Variants in ANKFY1 observed in about 807,000 individuals in gnomAD.
The protein encoded by ANKFY1 is ankyrin repeat and FYVE domain containing 1, also known as ankyrin repeat and FYVE domain-containing protein 1.
ANKFY1 carries 47 observed loss-of-function variants against 128.3 expected under a neutral mutation model. That is an observed-to-expected ratio of 0.37 (90% CI 0.29 to 0.47). The LOEUF (loss-of-function observed/expected upper bound fraction) is 0.47. Among genes scored for constraint, ANKFY1 ranks in the 20% least tolerant of loss-of-function variants. The probability of loss-of-function intolerance (pLI) is 1.00; values close to 1 mark genes in which losing one functional copy is unlikely to be tolerated. For synonymous variants in ANKFY1, 553 were observed against 601.6 expected (o/e 0.92, Z 1.18); for missense variants, 1,222 against 1,510.6 (o/e 0.81, Z 3.17).
rs373933542 is a variant in ANKFY1 at position 4,194,986 on chromosome 17, G to A, written c.1364C>T (p.Thr455Met). 3.0e-5 allele frequency: 49 copies of A among 1,614,050 alleles called. No homozygotes were observed. The highest frequency in any genetic ancestry group is 9.9e-5 in the South Asian group (9 of 91,088). ...QRGSHTDAPDTATGNCLLQRA... is the reference protein window; with the variant it reads ...QRGSHTDAPDMATGNCLLQRA... ...GGAGGCACGTGCTTTACCTGTCGCC[G>A]TGTCAGGTGCGTCTGTGTGGCTGCC... Residue 455 changes from threonine (T) to methionine (M), a missense_variant, in exon 10 of 25, where the codon ACG (threonine) becomes ATG (methionine). Thr to Met is a moderately conservative substitution (Grantham distance 81, BLOSUM62 -1). Transcript: ENST00000341657.
At chr17:4,193,151 CAT>C (rs1182521479) in intron 10 of ANKFY1, among the ~76,000 whole-genome samples, 1 of 152,194 alleles carries the variant, frequency 6.6e-6, no homozygotes, top group Admixed American at 6.5e-5. Flanking sequence ...ATTTAATGCA[CAT>C]AGAGAATGCT....
At chr17:4,249,523 T>C (rs1242253037) in intron 1 of ANKFY1, among the ~76,000 whole-genome samples, 1 of 152,200 alleles carries the variant, frequency 6.6e-6, no homozygotes, top group Non-Finnish European at 1.5e-5. Flanking sequence ...TGAGAGGCCA[T>C]ACAAGCCCTG....
intron 23 of ANKFY1, among the ~76,000 whole-genome samples, chr17:4,170,060 G>A (rs1444299670): frequency 2.0e-5 from 3 of 152,194 alleles, no homozygotes; most frequent in Admixed American, 6.5e-5. Context: ...GAGGGAAGGT[G>A]CAGTAGACCA....
At chr17:4,256,671 T>C (rs150255474) in intron 1 of ANKFY1, among the ~76,000 whole-genome samples, 1 of 152,226 alleles carries the variant, frequency 6.6e-6, no homozygotes, top group East Asian at 1.9e-4. Flanking sequence ...CTGGTATAAC[T>C]AGAAAGCAAC....
intron 1 of ANKFY1, among the ~76,000 whole-genome samples, chr17:4,263,373 C>T (rs908060800): frequency 6.6e-6 from 1 of 152,204 alleles, no homozygotes; most frequent in Non-Finnish European, 1.5e-5. Context: ...CCGTCTTCAT[C>T]TGTACGCCTG....
intron 11 of ANKFY1, among the ~76,000 whole-genome samples, chr17:4,185,966 T>A (rs2059604115): frequency 6.6e-6 from 1 of 152,124 alleles, no homozygotes; most frequent in African/African-American, 2.4e-5. Flanking sequence ...GATCAAGACC[T>A]CCTTCTCCTA....
rs201662928 is a variant in ANKFY1 at position 4,217,085 on chromosome 17, C to G, written c.356G>C (p.Arg119Pro). 1 of 1,612,882 alleles carries G rather than the reference C, an allele frequency of 6.2e-7. No individual in the cohort carries two copies. Among genetic ancestry groups the G allele is most frequent in the Non-Finnish European group, 8.5e-7 (1 of 1,179,566 alleles). ...ANPEVTMTML[R>P]WIYTDELEFR... ...CTCCAGCTCATCTGTATAGATCCAG[C>G]GAAGCATTGTCATCGTCACCTCAGG... Residue 119 changes from arginine (R) to proline (P), a missense_variant, in exon 4 of 25, where the codon CGC (arginine) becomes CCC (proline). Transcript: ENST00000341657.
intron 3 of ANKFY1, among the ~76,000 whole-genome samples, chr17:4,230,443 T>C (rs1301115232): frequency 3.3e-5 from 5 of 152,320 alleles, no homozygotes; most frequent in African/African-American, 1.2e-4. Flanking sequence ...TCGTGTCAGC[T>C]GCTACTGGTA....
At chr17:4,187,102 T>G (rs2059626046) in intron 11 of ANKFY1, 7 of 962,540 alleles carry the variant, frequency 7.3e-6, no homozygotes, top group Non-Finnish European at 8.1e-6. Context: ...ACCCGTCACC[T>G]GAGCAGTGTA....
Position 4,178,812 on chromosome 17 carries a change from C to T in ANKFY1, c.2598+45G>A, listed in dbSNP as rs773387456. ...ACATCTGTCTAGTCTCCAGGTTCCGCGACGCCCAGGACCATGTGGAGAAGG... is the reference window on the plus strand; with the variant it reads ...ACATCTGTCTAGTCTCCAGGTTCCGTGACGCCCAGGACCATGTGGAGAAGG... On this transcript the variant is annotated intron_variant, in intron 18 of 24. Coordinates refer to ENST00000341657, the MANE Select transcript of ANKFY1 (RefSeq NM_001330063.2). This position sits in a 1 kb window ranked among gnomAD's most constrained non-coding sequence, Gnocchi z 4.1. 26 of 1,586,454 alleles carry T rather than the reference C, an allele frequency of 1.6e-5. No individual in the cohort carries two copies. The highest frequency in any genetic ancestry group is 4.5e-5 in the East Asian group (2 of 44,516).
At chr17:4,203,553 C>T (rs1003567714) in intron 7 of ANKFY1, among the ~76,000 whole-genome samples, 3 of 152,150 alleles carry the variant, frequency 2.0e-5, no homozygotes, top group Non-Finnish European at 1.5e-5. Context: ...CAGTGGCTCA[C>T]GTCTTTAATC....
rs1294496058 is a variant in ANKFY1 at position 4,242,446 on chromosome 17, C to T, written c.13G>A (p.Glu5Lys). 1 of 1,550,264 alleles carries T rather than the reference C, an allele frequency of 6.5e-7. No homozygotes were observed. The highest frequency in any genetic ancestry group is 8.7e-7 in the Non-Finnish European group (1 of 1,152,720). Reference protein sequence around the residue: MAEEEVAKLEKHLML... With the variant: MAEEKVAKLEKHLML... The stretch of plus-strand genomic sequence containing the variant: ...AAGTGCTTCTCCAACTTGGCCACCT[C>T]CTCTGCAAGGAAAACGAAGAATCAA... The change falls in exon 2 of 25, where the codon GAG becomes AAG. Residue 5 changes from glutamate to lysine, a missense_variant and splice_region_variant. By Grantham distance (56) the Glu-to-Lys change is moderately conservative. Coordinates refer to ENST00000341657, the MANE Select transcript of ANKFY1 (RefSeq NM_001330063.2).
chr17:4,195,071 G>C lies in ANKFY1; in HGVS notation c.1279C>G (p.Pro427Ala). The C allele has an allele frequency of 6.2e-7, 1 of 1,614,176 alleles. No individual in the cohort carries two copies. Among genetic ancestry groups the C allele is most frequent in the Non-Finnish European group, 8.5e-7 (1 of 1,180,032 alleles). Residue 427 changes from proline to alanine, a missense_variant, in exon 10 of 25, where the codon CCC (proline) becomes GCC (alanine). By Grantham distance (27) the Pro-to-Ala change is conservative (BLOSUM62 -1). Transcript: ENST00000341657. The part of the protein sequence containing the change: ...DQSVNPFEDV[P>A]VVNGTSFDEN... ...TCAAATGAAGTCCCATTTACCACGG[G>C]GACATCTTCGAAGGGGTTCACAGAC...
At chr17:4,201,911 T>C (rs954029024) in intron 7 of ANKFY1, among the ~76,000 whole-genome samples, 1 of 152,018 alleles carries the variant, frequency 6.6e-6, no homozygotes, top group Non-Finnish European at 1.5e-5. Flanking sequence ...TAGGAAAAAA[T>C]ATGTAAAGAC....
At chr17:4,205,287 C>T (rs896409359) in intron 7 of ANKFY1, among the ~76,000 whole-genome samples, 8 of 152,214 alleles carry the variant, frequency 5.3e-5, no homozygotes, top group Admixed American at 1.3e-4. Flanking sequence ...TCATTTCTCA[C>T]TGGAACTCTA....
At position 4,183,849 on chromosome 17, in the gene ANKFY1, G is replaced by A. The variant is rs935894920; in HGVS notation, c.1761C>T (p.Ser587=). The change falls in exon 13 of 25, where the codon TCC becomes TCT. Residue 587 remains serine, a synonymous_variant. Transcript: ENST00000341657. ...CCAGGCCCAGCACAGTCTGGTCTCGGGAATCTTTGAGGCTGAAGTCCGGAA... is the reference window on the plus strand; with the variant it reads ...CCAGGCCCAGCACAGTCTGGTCTCGAGAATCTTTGAGGCTGAAGTCCGGAA... ...QIIPDFSLKD[S]RDQTVLGLAL... 10 of 1,613,986 alleles carry A rather than the reference G, an allele frequency of 6.2e-6. No homozygotes were observed. The highest frequency in any genetic ancestry group is 3.3e-4 in the Middle Eastern group (2 of 6,062).
chr17:4,168,567 A>G (rs890478473), intron 24 of ANKFY1, among the ~76,000 whole-genome samples: 14 of 152,006 alleles, frequency 9.2e-5, no homozygotes, highest in Non-Finnish European at 1.9e-4. Context: ...ATCTCAGCTC[A>G]CTGCAACCTC....
At chr17:4,218,768 C>T (rs1488529315) in intron 3 of ANKFY1, among the ~76,000 whole-genome samples, 2 of 152,172 alleles carry the variant, frequency 1.3e-5, no homozygotes, top group African/African-American at 4.8e-5. Flanking sequence ...GTCCCAGCTA[C>T]TCAAGGGGCC....
At chr17:4,241,608 T>C (rs1967230580) in intron 2 of ANKFY1, among the ~76,000 whole-genome samples, 1 of 151,140 alleles carries the variant, frequency 6.6e-6, no homozygotes, top group African/African-American at 2.4e-5. Context: ...GACTCCAGAG[T>C]TCAACCTCAA....
Sources: allele counts gnomAD v4.1 joint callset (sites outside exome capture counted in the v4.1 genomes callset), GRCh38; gene constraint gnomAD v4.1.1; non-coding constraint Gnocchi (gnomAD v3.1); transcripts MANE v1.5; gene names NCBI Gene and HGNC (gene_info 2026-07-23, HGNC 2026-07-21).